SOX6: variants seen among roughly 807,000 people sequenced by gnomAD.
The protein encoded by SOX6 is transcription factor SOX-6.
In SOX6, 11 loss-of-function variants were observed where a neutral mutation model predicts 97.8. The ratio of observed to expected loss-of-function variants is 0.11; its 90% CI spans 0.07 to 0.19. The LOEUF (loss-of-function observed/expected upper bound fraction) is 0.19. Among genes scored for constraint, SOX6 ranks in the 10% least tolerant of loss-of-function variants. The pLI is 1.00. For missense variants in SOX6, 810 were observed against 1,039.5 expected (o/e 0.78, Z 3.04); for synonymous variants, 360 against 371.4 (o/e 0.97, Z 0.35).
In SOX6 at chr11:16,033,924, A is replaced by C. The variant is rs544322613; in HGVS notation, c.1623+12590T>G. On this transcript the variant is annotated intron_variant, in intron 12 of 15. Coordinates refer to ENST00000683767, the MANE Select transcript of SOX6 (RefSeq NM_001367873.1). ...AATAGAAAGAAAGAAAAAGAAAAGA[A>C]AGGAAAAGAAAAGAAAAAGAAGCAG... is the stretch of plus-strand genomic sequence containing the variant. 1.2e-4 allele frequency among the ~76,000 whole-genome samples: 19 copies of C among 152,056 alleles called. No individual in the cohort carries two copies. In the South Asian group the frequency reaches 3.7e-3, roughly 30 times the overall value.
chr11:16,656,668 G>A (rs1847720856), intron 3 of SOX6, among the ~76,000 whole-genome samples: 1 of 152,056 alleles, frequency 6.6e-6, no homozygotes, highest in East Asian at 1.9e-4. Context: ...AAAAGCCAAT[G>A]ACCATAAATT....
At chr11:16,020,617 G>C (rs533805854) in intron 12 of SOX6, among the ~76,000 whole-genome samples, 4 of 151,924 alleles carry the variant, frequency 2.6e-5, no homozygotes. Context: ...CTTCCTTCTC[G>C]TTTCTCCTTC....
At chr11:16,507,307 T>A (rs1437594689) in intron 4 of SOX6, among the ~76,000 whole-genome samples, 1 of 152,050 alleles carries the variant, frequency 6.6e-6, no homozygotes, top group Admixed American at 6.6e-5. Context: ...TACAGCTGTA[T>A]AAGAAAAGAC....
At chr11:16,080,908 G>T (rs932046972) in intron 9 of SOX6, among the ~76,000 whole-genome samples, 5 of 151,960 alleles carry the variant, frequency 3.3e-5, no homozygotes, top group Non-Finnish European at 7.4e-5. Context: ...GCAACATAGG[G>T]AGACCCTGTC....
chr11:16,028,790 C>T (rs1240064585), intron 12 of SOX6, among the ~76,000 whole-genome samples: 3 of 152,144 alleles, frequency 2.0e-5, no homozygotes, highest in African/African-American at 7.2e-5. Context: ...TGCTTTTATT[C>T]CCTTCCACTG....
At chr11:16,438,685 T>A (rs920621053) in intron 1 of SOX6, among the ~76,000 whole-genome samples, 2 of 150,134 alleles carry the variant, frequency 1.3e-5, no homozygotes, top group Non-Finnish European at 2.9e-5. Flanking sequence ...TTGGTGATAC[T>A]CTTTCTACAA....
intron 3 of SOX6, among the ~76,000 whole-genome samples, chr11:16,308,762 A>T (rs1220045419): frequency 6.6e-6 from 1 of 152,244 alleles, no homozygotes; most frequent in Non-Finnish European, 1.5e-5. Flanking sequence ...AAAGAGGATC[A>T]AAAGGGAAAA....
Position 16,159,794 on chromosome 11 carries a change from C to T in SOX6, c.777+24092G>A, listed in dbSNP as rs1219099195. On this transcript the variant is annotated intron_variant, in intron 6 of 15. Transcript: ENST00000683767. Reference sequence around the variant, plus strand: ...CAGACTTTTGATAAGTCTGTTTCTACCTATAAAAATCTACTTAATGCAACA... The same window carrying T: ...CAGACTTTTGATAAGTCTGTTTCTATCTATAAAAATCTACTTAATGCAACA... Among the ~76,000 whole-genome samples, 7 of 152,138 alleles carry T rather than the reference C, an allele frequency of 4.6e-5. No individual in the cohort carries two copies. The East Asian group carries it at 9.7e-4, about 21-fold the overall frequency.
intron 4 of SOX6, among the ~76,000 whole-genome samples, chr11:16,578,350 T>C (rs1318211786): frequency 6.6e-6 from 1 of 152,196 alleles, no homozygotes; most frequent in African/African-American, 2.4e-5. Flanking sequence ...ATGTAGAGTT[T>C]TTTTAATCGT....
intron 4 of SOX6, among the ~76,000 whole-genome samples, chr11:16,541,713 A>G (rs544067223): frequency 3.2e-4 from 49 of 152,380 alleles, no homozygotes; most frequent in Non-Finnish European, 1.9e-4. Context: ...ACATGAAAAA[A>G]TGCTCATCAT....
intron 4 of SOX6, among the ~76,000 whole-genome samples, chr11:16,498,670 T>C (rs1482295168): frequency 6.6e-6 from 1 of 152,066 alleles, no homozygotes; most frequent in Non-Finnish European, 1.5e-5. Flanking sequence ...CAGTCTCTGA[T>C]AAAACAGACT....
At chr11:16,355,659 C>T (rs564538623) in intron 1 of SOX6, among the ~76,000 whole-genome samples, 1 of 152,008 alleles carries the variant, frequency 6.6e-6, no homozygotes, top group African/African-American at 2.4e-5. Flanking sequence ...ACATCTTTTA[C>T]CATAGTGCAT....
intron 12 of SOX6, among the ~76,000 whole-genome samples, chr11:16,026,030 G>A (rs1048601666): frequency 6.6e-5 from 10 of 152,112 alleles, no homozygotes; most frequent in Non-Finnish European, 1.5e-4. Flanking sequence ...TCCAGAACAT[G>A]CCTCTCAGCT....
intron 1 of SOX6, among the ~76,000 whole-genome samples, chr11:16,361,749 G>A (rs1284830913): frequency 6.6e-6 from 1 of 152,092 alleles, no homozygotes; most frequent in Non-Finnish European, 1.5e-5. Context: ...AGATAGCAAG[G>A]AAAAACTGGA....
intron 6 of SOX6, among the ~76,000 whole-genome samples, chr11:16,158,089 A>C (rs2134065837): frequency 6.6e-6 from 1 of 152,130 alleles, no homozygotes; most frequent in Middle Eastern, 3.4e-3. Context: ...CATAGTACCC[A>C]AAGACTAGTA....
At chr11:16,728,157 G>A (rs886762467) in intron 2 of SOX6, among the ~76,000 whole-genome samples, 7 of 152,204 alleles carry the variant, frequency 4.6e-5, no homozygotes, top group South Asian at 2.1e-4. Context: ...ACCTGTGGGC[G>A]CAGCTGCAGC....
chr11:16,582,651 C>T lies in SOX6; in HGVS notation n.609+29430G>A, dbSNP rs568053843. Among the ~76,000 whole-genome samples, 8 of 151,860 alleles carry T rather than the reference C, an allele frequency of 5.3e-5. No individual in the cohort carries two copies. The South Asian group carries it at 1.7e-3, about 32-fold the overall frequency. On this transcript the variant is annotated intron_variant and non_coding_transcript_variant, in intron 4 of 5. Transcript: ENST00000524520. ...AAGAGTAAGAAAGAGCATATAACCACAGATACAAAAAAGAAGAAAAGAAAA... is the reference window on the plus strand; with the variant it reads ...AAGAGTAAGAAAGAGCATATAACCATAGATACAAAAAAGAAGAAAAGAAAA...
chr11:16,284,351 G>A (rs963696729), intron 3 of SOX6, among the ~76,000 whole-genome samples: 3 of 152,240 alleles, frequency 2.0e-5, no homozygotes, highest in South Asian at 2.1e-4. Flanking sequence ...TGTTGAAAGA[G>A]TGTTCTGACA....
At chr11:16,208,641 C>A (rs1852136751) in intron 4 of SOX6, among the ~76,000 whole-genome samples, 1 of 152,162 alleles carries the variant, frequency 6.6e-6, no homozygotes, top group African/African-American at 2.4e-5. Context: ...AAACAACTAA[C>A]TGTATTTGTT....
Sources: allele counts gnomAD v4.1 joint callset (sites outside exome capture counted in the v4.1 genomes callset), GRCh38; gene constraint gnomAD v4.1.1; transcripts MANE v1.5; gene names NCBI Gene and HGNC (gene_info 2026-07-23, HGNC 2026-07-21).